Variants in RADIL observed in about 807,000 individuals in gnomAD.
RADIL encodes the protein ras-associating and dilute domain-containing protein.
Under a neutral mutation model 97.6 loss-of-function variants are expected in RADIL, and 99 were observed. The ratio of observed to expected loss-of-function variants is 1.01; its 90% CI spans 0.86 to 1.20. RADIL has a LOEUF of 1.20. Ranked by LOEUF, RADIL falls within the 50% of genes most tolerant of loss-of-function variation. The pLI, the probability that RADIL is intolerant of heterozygous loss-of-function variation, is 0.00. For missense variants in RADIL, 1,765 were observed against 1,498.9 expected, an observed-to-expected ratio of 1.18 and a Z score of -2.93; for synonymous variants, 803 against 691.8, an observed-to-expected ratio of 1.16 and a Z score of -2.52.
At chr7:4,861,688 C>T in intron 2 of RADIL, 10 of 1,586,638 alleles carry the variant, frequency 6.3e-6, no homozygotes, top group Non-Finnish European at 8.6e-6. Flanking sequence ...CTATTAGCCT[C>T]TGGGTGAGGA....
At position 4,879,559 on chromosome 7, in the gene RADIL, C is replaced by A. The variant is rs1784442929; in HGVS notation, c.-64-1356G>T. ...AGAGTGGTCCAGGTCCCAGTGAACA[C>A]AGCACGGGTCGCCTGCCACTGCGAC... On this transcript the variant is annotated intron_variant, in intron 1 of 14. Transcript: ENST00000399583. This position sits in a 1 kb window ranked among gnomAD's most constrained non-coding sequence, Gnocchi z 4.1. Among the ~76,000 whole-genome samples the A allele has an allele frequency of 1.3e-5, 2 of 152,202 alleles. No homozygotes were observed. The highest frequency in any genetic ancestry group is 2.9e-5 in the Non-Finnish European group (2 of 68,038).
intron 9 of RADIL, chr7:4,809,123 C>T (rs1782459067): frequency 2.0e-6 from 2 of 985,126 alleles, no homozygotes; most frequent in East Asian, 1.1e-4. Context: ...AGGACAGGCG[C>T]TTCCTGGCCT....
At position 4,815,463 on chromosome 7, in the gene RADIL, G is replaced by C; in HGVS notation, c.1967-13C>G. 1 of 1,493,076 alleles carries C rather than the reference G, an allele frequency of 6.7e-7. No homozygotes were observed. 92.5% of individuals were successfully genotyped at this position (1,493,076 alleles called of 1,614,324 possible). A position where few individuals can be genotyped will look rare whatever the true frequency, so the allele number is the denominator to read the frequency against. Reference sequence around the variant, plus strand: ...CTCAGGGAGGGGCCTGTGGAGGGAAGAAGGGAGGGTGATGCCTGGGCTGCC... The same window carrying C: ...CTCAGGGAGGGGCCTGTGGAGGGAACAAGGGAGGGTGATGCCTGGGCTGCC... On this transcript the variant is annotated splice_polypyrimidine_tract_variant and intron_variant, in intron 8 of 14. Transcript: ENST00000399583. The surrounding 1 kb of genome is among the most constrained non-coding windows in gnomAD (Gnocchi z 8.0).
At chr7:4,850,355 G>A (rs1783679314) in intron 2 of RADIL, among the ~76,000 whole-genome samples, 1 of 152,082 alleles carries the variant, frequency 6.6e-6, no homozygotes, top group South Asian at 2.1e-4. Flanking sequence ...ATTCTAAGAT[G>A]GCTCCATGGT....
chr7:4,803,725 G>A lies in RADIL; in HGVS notation c.2320C>T (p.Pro774Ser). 6.4e-7 allele frequency: 1 copy of A among 1,566,948 alleles called. No individual in the cohort carries two copies. Among genetic ancestry groups the A allele is most frequent in the Non-Finnish European group, 8.6e-7 (1 of 1,156,574 alleles). Residue 774 changes from proline to serine, a missense_variant, in exon 11 of 15, where the codon CCA (proline) becomes TCA (serine). Transcript: ENST00000399583. ...EDVLESYENPPPIVLPSDGFQ... is the reference protein window; with the variant it reads ...EDVLESYENPSPIVLPSDGFQ... ...CCGTCGCTGGGCAGGACGATGGGTG[G>A]GGGGTTTTCGTAGGACTCCAGAACA...
At chr7:4,830,830 C>A (rs376469301) in intron 5 of RADIL, among the ~76,000 whole-genome samples, 2 of 151,940 alleles carry the variant, frequency 1.3e-5, no homozygotes, top group East Asian at 1.9e-4. Flanking sequence ...CTGGCTAACA[C>A]GGTGAAACCC....
chr7:4,878,314 T>A lies in RADIL; in HGVS notation c.-64-111A>T. 1 of 696,590 alleles carries A rather than the reference T, an allele frequency of 1.4e-6. No individual in the cohort carries two copies. Among genetic ancestry groups the A allele is most frequent in the Non-Finnish European group, 2.3e-6 (1 of 431,328 alleles). 43.2% of individuals were successfully genotyped at this position (696,590 alleles called of 1,614,324 possible). A position where few individuals can be genotyped will look rare whatever the true frequency, so the allele number is the denominator to read the frequency against. ...ATCCCAGCGCTTTAGAAGGCCAAGG[T>A]GGGAGGACGGCTTGAGCCCGGGAGT... On this transcript the variant is annotated intron_variant, in intron 1 of 14. Transcript: ENST00000399583. This position sits in a 1 kb window ranked among gnomAD's most constrained non-coding sequence, Gnocchi z 4.1.
Position 4,821,218 on chromosome 7 carries a change from C to A in RADIL, c.1615+1176G>T, listed in dbSNP as rs977686031. On this transcript the variant is annotated intron_variant, in intron 6 of 14. Coordinates refer to ENST00000399583, the MANE Select transcript of RADIL (RefSeq NM_018059.5). The surrounding 1 kb of genome is among the most constrained non-coding windows in gnomAD (Gnocchi z 5.2). ...CTCCAGAAGCCAGACCGCCACGCCA[C>A]GGCCACTCAGGACCCTCTGGCACTG... 7.2e-5 allele frequency among the ~76,000 whole-genome samples: 11 copies of A among 152,338 alleles called. No individual in the cohort carries two copies. The highest frequency in any genetic ancestry group is 3.3e-4 in the Admixed American group (5 of 15,312).
chr7:4,807,767 G>T (rs182980246), intron 9 of RADIL, among the ~76,000 whole-genome samples: 1 of 37,400 alleles, frequency 2.7e-5, no homozygotes, highest in African/African-American at 1.2e-4. Context: ...CTCCCCCTCC[G>T]TCTCTCTCCC....
At chr7:4,826,756 A>AC (rs112659283) in intron 5 of RADIL, among the ~76,000 whole-genome samples, 2 of 151,652 alleles carry the variant, frequency 1.3e-5, no homozygotes, top group African/African-American at 4.9e-5. Flanking sequence ...AAAAAAAAAA[A>AC]CCCAATCAGA....
rs746721728 is a variant in RADIL, at chr7:4,816,097, C to T, written c.1966+131G>A. 1.3e-3 allele frequency: 1,067 copies of T among 805,074 alleles called. 3 individuals are homozygous for T. The highest frequency in any genetic ancestry group is 1.9e-3 in the Non-Finnish European group (936 of 485,354). The allele number at this position is 805,074 out of a possible 1,614,324, so 49.9% of individuals were successfully genotyped here. On this transcript the variant is annotated intron_variant, in intron 8 of 14. Coordinates refer to ENST00000399583, the MANE Select transcript of RADIL (RefSeq NM_018059.5). ...ACTCTGGCCTCTCACCCCTCAGGGA[C>T]ACCAGACGCTCAGGGAGCAGGAGGC...
At position 4,844,829 on chromosome 7, in the gene RADIL, C is replaced by T. The variant is rs556617618; in HGVS notation, c.536-8224G>A. Among the ~76,000 whole-genome samples the T allele has an allele frequency of 3.3e-5, 5 of 152,230 alleles. 1 individual carries two copies. The South Asian group carries it at 1.0e-3, about 32-fold the overall frequency. On this transcript the variant is annotated intron_variant, in intron 2 of 14. Coordinates refer to ENST00000399583, the MANE Select transcript of RADIL (RefSeq NM_018059.5). ...ATTCTGCCCAGGCTGGCCGCAAACTCCTGTGCTCAGGCAATCCTCCCGCCT... is the reference window on the plus strand; with the variant it reads ...ATTCTGCCCAGGCTGGCCGCAAACTTCTGTGCTCAGGCAATCCTCCCGCCT...
rs1207343329 is a variant in RADIL at position 4,815,738 on chromosome 7, C to T, written c.1967-288G>A. On this transcript the variant is annotated intron_variant, in intron 8 of 14. Transcript: ENST00000399583. The surrounding 1 kb of genome is among the most constrained non-coding windows in gnomAD (Gnocchi z 8.0). Reference sequence around the variant, plus strand: ...TGGGACCCTCTCCCACTCCCAGACACATGTGCCGGGGGCCTGCCCCCACCT... The same window carrying T: ...TGGGACCCTCTCCCACTCCCAGACATATGTGCCGGGGGCCTGCCCCCACCT... 1.3e-5 allele frequency among the ~76,000 whole-genome samples: 2 copies of T among 152,076 alleles called. No homozygotes were observed. Among genetic ancestry groups the T allele is most frequent in the African/African-American group, 2.4e-5 (1 of 41,442 alleles).
intron 9 of RADIL, among the ~76,000 whole-genome samples, chr7:4,806,402 G>A (rs931464463): frequency 2.0e-5 from 3 of 152,110 alleles, no homozygotes; most frequent in African/African-American, 7.2e-5. Context: ...TCCACGGCTG[G>A]TCTCAAATTC....
chr7:4,874,157 G>A (rs1008823911), intron 2 of RADIL, among the ~76,000 whole-genome samples: 4 of 152,240 alleles, frequency 2.6e-5, no homozygotes, highest in African/African-American at 9.6e-5. Flanking sequence ...AGGCCGTGCA[G>A]GTGTCTCACG....
Position 4,817,460 on chromosome 7 carries a change from C to T in RADIL, c.1616-109G>A. 3.3e-6 allele frequency: 3 copies of T among 919,270 alleles called. No homozygotes were observed. Among genetic ancestry groups the T allele is most frequent in the Non-Finnish European group, 4.9e-6 (3 of 613,128 alleles). The allele number at this position is 919,270 out of a possible 1,614,324, so 56.9% of individuals were successfully genotyped here. On this transcript the variant is annotated intron_variant, in intron 6 of 14. Transcript: ENST00000399583. This position sits in a 1 kb window ranked among gnomAD's most constrained non-coding sequence, Gnocchi z 8.3. ...CTGGCGCGGGCACCACCCAACGCGCCCATCTGGGGTCCAGATGCGATAAAC... is the reference window on the plus strand; with the variant it reads ...CTGGCGCGGGCACCACCCAACGCGCTCATCTGGGGTCCAGATGCGATAAAC...
chr7:4,809,385 G>C lies in RADIL; in HGVS notation c.2140-3669C>G, dbSNP rs73312617. On this transcript the variant is annotated intron_variant, in intron 9 of 14. Coordinates refer to ENST00000399583, the MANE Select transcript of RADIL (RefSeq NM_018059.5). Reference sequence around the variant, plus strand: ...TCCCCGCCCGGCTGAGCGGGGGGAGGCGGAGATCCTGAGTGTCGCTGCTGC... The same window carrying C: ...TCCCCGCCCGGCTGAGCGGGGGGAGCCGGAGATCCTGAGTGTCGCTGCTGC... 8.5e-3 allele frequency: 8,344 copies of C among 985,334 alleles called. 528 individuals are homozygous for C. The African/African-American group carries it at 0.13, about 16-fold the overall frequency. The allele number at this position is 985,334 out of a possible 1,614,324, so 61.0% of individuals were successfully genotyped here. A position where few individuals can be genotyped will look rare whatever the true frequency, so the allele number is the denominator to read the frequency against.
intron 11 of RADIL, 89 bp from the exon 12 acceptor site, chr7:4,802,084 C>T (rs1248957622): frequency 7.9e-6 from 9 of 1,141,362 alleles, no homozygotes; most frequent in African/African-American, 7.9e-5. Context: ...GCAGAAGGGC[C>T]GCCAGGCCGC....
Position 4,811,127 on chromosome 7 carries a change from T to G in RADIL, c.2139+4151A>C, listed in dbSNP as rs796922968. The G allele has an allele frequency of 2.0e-5, 3 of 151,898 alleles. No individual in the cohort carries two copies. In the East Asian group the frequency reaches 5.8e-4, roughly 29 times the overall value. The allele number at this position is 151,898 out of a possible 1,614,324, so 9.4% of individuals were successfully genotyped here. A position where few individuals can be genotyped will look rare whatever the true frequency, so the allele number is the denominator to read the frequency against. ...ACTCCATCCAGCCTGGACGACAGAGTGAGACTCCGTCTCAAAAAACAAAAA... is the reference window on the plus strand; with the variant it reads ...ACTCCATCCAGCCTGGACGACAGAGGGAGACTCCGTCTCAAAAAACAAAAA... On this transcript the variant is annotated intron_variant, in intron 9 of 14. Transcript: ENST00000399583.
Sources: allele counts gnomAD v4.1 joint callset (sites outside exome capture counted in the v4.1 genomes callset), GRCh38; gene constraint gnomAD v4.1.1; non-coding constraint Gnocchi (gnomAD v3.1); transcripts MANE v1.5; gene names NCBI Gene and HGNC (gene_info 2026-07-23, HGNC 2026-07-21).